The following MAF variants were observed in gnomAD, a reference collection of about 807,000 sequenced individuals.
MAF encodes the protein MAF bZIP transcription factor.
A neutral mutation model predicts 22.0 loss-of-function variants in MAF; 10 were observed. The ratio of observed to expected loss-of-function variants is 0.45; its 90% CI spans 0.28 to 0.77. The LOEUF (loss-of-function observed/expected upper bound fraction) is 0.77, where lower values mean the gene tolerates loss of function less well. Among genes scored for constraint, MAF ranks in the 30% least tolerant of loss-of-function variants. The pLI is 0.12. For synonymous variants in MAF, 337 were observed against 255.8 expected, an observed-to-expected ratio of 1.32 and a Z score of -3.03; for missense variants, 544 against 548.4, an observed-to-expected ratio of 0.99 and a Z score of 0.08.
chr16:79,223,687 G>T, the MAF span, among the ~76,000 whole-genome samples: 1 of 152,130 alleles, frequency 6.6e-6, no homozygotes, highest in Non-Finnish European at 1.5e-5. Context: ...TATCACCACT[G>T]ATCTCACAGA....
downstream of MAF, among the ~76,000 whole-genome samples, chr16:79,584,438 C>T (rs988679834): frequency 5.3e-5 from 8 of 152,220 alleles, no homozygotes; most frequent in African/African-American, 1.9e-4. Flanking sequence ...ATGCCTTTCT[C>T]TTCCTTGCTC....
chr16:79,435,776 G>A, the MAF span, among the ~76,000 whole-genome samples: 75 of 152,226 alleles, frequency 4.9e-4, no homozygotes, highest in East Asian at 7.8e-4. Context: ...CATATCCTTC[G>A]TTATTTGTCC....
the MAF span, among the ~76,000 whole-genome samples, chr16:79,322,708 C>G: frequency 0.92 from 139,035 of 151,866 alleles, 63,934 homozygotes; most frequent in Non-Finnish European, 0.96. Flanking sequence ...ATTCATCTAG[C>G]CGGGGTCAAG....
the MAF span, among the ~76,000 whole-genome samples, chr16:79,497,388 G>A: frequency 1.5e-4 from 23 of 152,188 alleles, no homozygotes; most frequent in South Asian, 3.9e-3. Flanking sequence ...CACTCCACCC[G>A]CCTGCTTCCT....
the MAF span, among the ~76,000 whole-genome samples, chr16:79,306,068 A>T: frequency 6.6e-6 from 1 of 152,330 alleles, no homozygotes; most frequent in East Asian, 1.9e-4. Context: ...TCATGTGACC[A>T]CTAGCTTCCA....
chr16:79,478,975 C>A, the MAF span, among the ~76,000 whole-genome samples: 1 of 152,060 alleles, frequency 6.6e-6, no homozygotes, highest in Non-Finnish European at 1.5e-5. Context: ...CACCCGTGCA[C>A]CACCTCAGCA....
chr16:79,267,495 G>T, the MAF span, among the ~76,000 whole-genome samples: 3 of 152,330 alleles, frequency 2.0e-5, no homozygotes, highest in South Asian at 2.1e-4. Flanking sequence ...GCCCGCTGCT[G>T]CGGGGCTGTT....
At chr16:79,358,501 C>T in the MAF span, among the ~76,000 whole-genome samples, 2 of 152,156 alleles carry the variant, frequency 1.3e-5, 1 homozygote, top group East Asian at 3.9e-4. Flanking sequence ...GAGATCCCAG[C>T]CAGGCCTGGA....
chr16:79,398,167 T>C, the MAF span, among the ~76,000 whole-genome samples: 2 of 152,158 alleles, frequency 1.3e-5, no homozygotes, highest in Non-Finnish European at 2.9e-5. Context: ...TCAAATCAAA[T>C]CACTCCAACC....
the MAF span, among the ~76,000 whole-genome samples, chr16:79,555,462 T>C: frequency 6.6e-6 from 1 of 152,246 alleles, no homozygotes; most frequent in Admixed American, 6.5e-5. Flanking sequence ...CGATTTTTAG[T>C]ATTTGCCAAT....
At chr16:79,414,989 T>A in the MAF span, among the ~76,000 whole-genome samples, 5 of 152,182 alleles carry the variant, frequency 3.3e-5, no homozygotes, top group Admixed American at 2.6e-4. Flanking sequence ...CACCAGCTCT[T>A]GAATGCTTCC....
chr16:79,575,792 A>T, the MAF span, among the ~76,000 whole-genome samples: 1 of 152,212 alleles, frequency 6.6e-6, no homozygotes, highest in African/African-American at 2.4e-5. Context: ...AAAGGAACAG[A>T]AACCTGAAAG....
chr16:79,276,298 T>C, the MAF span, among the ~76,000 whole-genome samples: 3 of 152,154 alleles, frequency 2.0e-5, no homozygotes, highest in Non-Finnish European at 4.4e-5. Flanking sequence ...CTGGTCTAAA[T>C]AAATGTTTGC....
chr16:79,257,737 T>C, the MAF span, among the ~76,000 whole-genome samples: 1 of 152,228 alleles, frequency 6.6e-6, no homozygotes, highest in Non-Finnish European at 1.5e-5. Context: ...TCTGGCACCA[T>C]GTATGCGTCT....
chr16:79,238,202 A>G, the MAF span, among the ~76,000 whole-genome samples: 1 of 152,088 alleles, frequency 6.6e-6, no homozygotes, highest in Non-Finnish European at 1.5e-5. Context: ...GACAGAGCCC[A>G]GCATCCCCAC....
the MAF span, among the ~76,000 whole-genome samples, chr16:79,481,845 CTGGG>C: frequency 6.6e-6 from 1 of 152,198 alleles, no homozygotes; most frequent in African/African-American, 2.4e-5. Flanking sequence ...AAGCCTCCAT[CTGGG>C]TAGGGGAGAC....
At chr16:79,401,236 T>C in the MAF span, among the ~76,000 whole-genome samples, 1 of 152,192 alleles carries the variant, frequency 6.6e-6, no homozygotes, top group African/African-American at 2.4e-5. Flanking sequence ...GATTTCCTTT[T>C]TCACTCCCCA....
At chr16:79,517,076 G>T in the MAF span, among the ~76,000 whole-genome samples, 1 of 151,646 alleles carries the variant, frequency 6.6e-6, no homozygotes, top group Non-Finnish European at 1.5e-5. Flanking sequence ...TGTCTTGGCT[G>T]TCTGTTTTAG....
the MAF span, among the ~76,000 whole-genome samples, chr16:79,426,093 C>G: frequency 2.0e-5 from 3 of 152,096 alleles, no homozygotes; most frequent in Admixed American, 6.6e-5. Flanking sequence ...GTAGTCCCAG[C>G]TACTCAGGAG....
Sources: allele counts gnomAD v4.1 joint callset (sites outside exome capture counted in the v4.1 genomes callset), GRCh38; gene constraint gnomAD v4.1.1; transcripts MANE v1.5; gene names NCBI Gene and HGNC (gene_info 2026-07-23, HGNC 2026-07-21).